OR7E24: variants seen among roughly 807,000 people sequenced by gnomAD.
The protein encoded by OR7E24 is olfactory receptor family 7 subfamily E member 24, also known as olfactory receptor 7E24.
For synonymous variants in OR7E24, 130 were observed against 157.5 expected (o/e 0.83, Z 1.31); for missense variants, 385 against 410.3 (o/e 0.94, Z 0.53).
chr19:9,214,769 C>T, the OR7E24 span: 1 of 1,613,740 alleles, frequency 6.2e-7, no homozygotes, highest in South Asian at 1.1e-5. Flanking sequence ...GGACGGGCTG[C>T]AGTTCAGGAT....
At chr19:9,231,487 G>A in the OR7E24 span, among the ~76,000 whole-genome samples, 1 of 152,196 alleles carries the variant, frequency 6.6e-6, no homozygotes, top group Non-Finnish European at 1.5e-5. Flanking sequence ...GGCTGCGGCA[G>A]GAGAATCGCT....
the OR7E24 span, among the ~76,000 whole-genome samples, chr19:9,240,348 C>T: frequency 2.7e-4 from 41 of 152,254 alleles, no homozygotes; most frequent in African/African-American, 9.4e-4. Flanking sequence ...AGTGTAATTT[C>T]ATGGAGGATT....
At chr19:9,247,437 A>C (rs1044823337), upstream of OR7E24, 2 of 398,508 alleles carry the variant, frequency 5.0e-6, no homozygotes, top group Non-Finnish European at 8.8e-6. Flanking sequence ...ACGGAGCCTG[A>C]GCCTCCATCG....
At chr19:9,207,038 G>A in the OR7E24 span, 2 of 152,176 alleles carry the variant, frequency 1.3e-5, no homozygotes, top group Non-Finnish European at 2.9e-5. Flanking sequence ...CTACTAAAGA[G>A]CTGATTGCAG....
Position 9,251,206 on chromosome 19 carries a change from G to A in OR7E24, c.163G>A (p.Val55Ile). The change falls in exon 1 of 1, where the codon GTC (valine) becomes ATC (isoleucine). Residue 55 changes from valine (V) to isoleucine (I), a missense_variant. Physicochemically the swap from Val to Ile is conservative, Grantham distance 29. Coordinates refer to ENST00000456448, the MANE Select transcript of OR7E24 (RefSeq NM_001079935.2). ...LAGLFLSMYLVTVLGNLLIIL... is the reference protein window; with the variant it reads ...LAGLFLSMYLITVLGNLLIIL... ...TGGGCTGTTCCTGTCCATGTACCTG[G>A]TCACGGTGCTGGGGAACCTGCTCAT... The A allele has an allele frequency of 2.5e-6, 4 of 1,613,986 alleles. No individual in the cohort carries two copies. The highest frequency in any genetic ancestry group is 3.4e-6 in the Non-Finnish European group (4 of 1,180,010).
chr19:9,241,585 T>G, the OR7E24 span, among the ~76,000 whole-genome samples: 1 of 152,044 alleles, frequency 6.6e-6, no homozygotes, highest in Non-Finnish European at 1.5e-5. Flanking sequence ...GCCAATGTGG[T>G]GAAACCCCAT....
At chr19:9,225,149 C>T in the OR7E24 span, among the ~76,000 whole-genome samples, 2 of 151,818 alleles carry the variant, frequency 1.3e-5, no homozygotes, top group African/African-American at 4.8e-5. Context: ...CTGAGGTGGG[C>T]AGATCACCTG....
At chr19:9,235,012 G>T in the OR7E24 span, 8 of 515,830 alleles carry the variant, frequency 1.6e-5, no homozygotes, top group South Asian at 1.2e-4. Flanking sequence ...CGTTTCAAAT[G>T]GAATTAGGCT....
At chr19:9,225,900 A>G in the OR7E24 span, among the ~76,000 whole-genome samples, 1 of 152,120 alleles carries the variant, frequency 6.6e-6, no homozygotes, top group Non-Finnish European at 1.5e-5. Context: ...TGGTGGAAAC[A>G]CTCATCTCTC....
At chr19:9,233,335 A>G in the OR7E24 span, among the ~76,000 whole-genome samples, 5 of 152,268 alleles carry the variant, frequency 3.3e-5, no homozygotes, top group African/African-American at 9.6e-5. Context: ...CTAGGATGAC[A>G]TGATTTATGT....
upstream of OR7E24, among the ~76,000 whole-genome samples, chr19:9,243,744 G>C (rs2066122214): frequency 6.6e-6 from 1 of 152,178 alleles, no homozygotes; most frequent in African/African-American, 2.4e-5. Context: ...ATCATCCTTT[G>C]AAAGTGCAAG....
the OR7E24 span, chr19:9,214,809 G>T: frequency 1.9e-6 from 3 of 1,609,426 alleles, no homozygotes; most frequent in Non-Finnish European, 2.5e-6. Flanking sequence ...GAGAAATTTT[G>T]ATAATTCTGT....
chr19:9,224,827 C>A, the OR7E24 span, among the ~76,000 whole-genome samples: 1 of 151,792 alleles, frequency 6.6e-6, no homozygotes, highest in African/African-American at 2.4e-5. Flanking sequence ...CACCAATGAC[C>A]TTCAACACCA....
At chr19:9,224,574 G>A in the OR7E24 span, among the ~76,000 whole-genome samples, 1 of 151,834 alleles carries the variant, frequency 6.6e-6, no homozygotes, top group Non-Finnish European at 1.5e-5. Flanking sequence ...TGGCCAACAA[G>A]GTGAAACCCT....
upstream of OR7E24, among the ~76,000 whole-genome samples, chr19:9,250,219 T>C (rs2066141416): frequency 6.6e-6 from 1 of 152,062 alleles, no homozygotes; most frequent in South Asian, 2.1e-4. Context: ...CTCAGCCTCC[T>C]GAGTAGCTGG....
At chr19:9,236,047 G>T in the OR7E24 span, 23 of 1,598,430 alleles carry the variant, frequency 1.4e-5, no homozygotes, top group Middle Eastern at 5.0e-4. Context: ...GGGGGCCCTG[G>T]GGAGACTCCT....
chr19:9,223,919 C>T, the OR7E24 span, among the ~76,000 whole-genome samples: 7 of 151,838 alleles, frequency 4.6e-5, no homozygotes, highest in East Asian at 7.8e-4. Context: ...GGCACAATCT[C>T]GGCTCACTGC....
the OR7E24 span, among the ~76,000 whole-genome samples, chr19:9,239,424 G>A: frequency 4.6e-4 from 70 of 152,130 alleles, no homozygotes; most frequent in African/African-American, 1.6e-3. Context: ...CATCCACCTT[G>A]GCCTCCCAAA....
the OR7E24 span, among the ~76,000 whole-genome samples, chr19:9,223,615 A>G: frequency 2.6e-5 from 4 of 151,694 alleles, no homozygotes; most frequent in South Asian, 8.3e-4. Context: ...GATTTTTTCT[A>G]TACACCCCTT....
Sources: gnomAD v4.1 joint callset for allele counts (sites outside exome capture counted in the v4.1 genomes callset) on GRCh38, gnomAD v4.1.1 for gene constraint, MANE v1.5 for transcripts, NCBI Gene and HGNC (gene_info 2026-07-23, HGNC 2026-07-21) for gene names.